Variants in PTPRD observed in about 807,000 individuals in gnomAD.
PTPRD encodes the protein protein tyrosine phosphatase receptor type D.
PTPRD carries 34 observed loss-of-function variants against 214.5 expected under a neutral mutation model. The ratio of observed to expected loss-of-function variants is 0.16; its 90% confidence interval spans 0.12 to 0.21. The LOEUF (loss-of-function observed/expected upper bound fraction) is 0.21, where lower values mean the gene tolerates loss of function less well. PTPRD is among the 10% of genes least tolerant of loss of function. PTPRD has a pLI of 1.00. For missense variants in PTPRD, 2,545 were observed against 2,398.7 expected, an observed-to-expected ratio of 1.06 and a Z score of -1.27; for synonymous variants, 1,128 against 845.7, an observed-to-expected ratio of 1.33 and a Z score of -5.79.
chr9:10,337,181 T>G (rs564384554), intron 3 of PTPRD, among the ~76,000 whole-genome samples: 1 of 151,898 alleles, frequency 6.6e-6, no homozygotes, highest in East Asian at 1.9e-4. Flanking sequence ...TGGAAAATAT[T>G]GTATTAAATT....
chr9:8,934,440 TATATATAAATTTATATATATATAA>T (rs1567097665), intron 11 of PTPRD, among the ~76,000 whole-genome samples: 6 of 42,334 alleles, frequency 1.4e-4, no homozygotes, highest in Non-Finnish European at 2.4e-4. Context: ...TATATAAATA[TATATATAAATTTATATATATATAA>T]ATATATATAT....
intron 11 of PTPRD, among the ~76,000 whole-genome samples, chr9:8,787,841 C>G (rs968935954): frequency 6.6e-6 from 1 of 152,112 alleles, no homozygotes; most frequent in African/African-American, 2.4e-5. Context: ...AGTCATCTTC[C>G]AAATGAATGA....
At chr9:8,709,514 C>CA (rs758112672) in intron 12 of PTPRD, among the ~76,000 whole-genome samples, 11,090 of 55,608 alleles carry the variant, frequency 0.2, 653 homozygotes, top group East Asian at 0.24. Context: ...GACTCCATCT[C>CA]AAAAAAAAAA....
intron 2 of PTPRD, among the ~76,000 whole-genome samples, chr9:10,504,721 C>T (rs1421175326): frequency 6.6e-6 from 1 of 152,122 alleles, no homozygotes; most frequent in Non-Finnish European, 1.5e-5. Flanking sequence ...ATTACTTCTC[C>T]ACAGGCATAA....
In PTPRD at chr9:9,993,610, C is replaced by T. The variant is rs72692772; in HGVS notation, c.-472+40108G>A. 6.1e-3 allele frequency among the ~76,000 whole-genome samples: 929 copies of T among 151,926 alleles called. 3 individuals carry two copies. Among genetic ancestry groups the T allele is most frequent in the Non-Finnish European group, 0.01 (693 of 67,994 alleles). On this transcript the variant is annotated intron_variant, in intron 4 of 45. Transcript: ENST00000381196. The stretch of plus-strand genomic sequence containing the variant: ...TTAGAAACAAAAAATTGCTCTGTGA[C>T]GCTGGAAGTAAGACTAACTTTGGAG...
chr9:9,055,331 T>A (rs1282967531), intron 10 of PTPRD, among the ~76,000 whole-genome samples: 1 of 152,172 alleles, frequency 6.6e-6, no homozygotes, highest in Non-Finnish European at 1.5e-5. Context: ...CCATGTGAGG[T>A]AATGAATATG....
intron 5 of PTPRD, among the ~76,000 whole-genome samples, chr9:9,882,284 G>T (rs775398890): frequency 2.0e-5 from 3 of 151,942 alleles, no homozygotes; most frequent in Admixed American, 6.6e-5. Context: ...ATTTTCTAGA[G>T]GTTCACTAAG....
intron 2 of PTPRD, among the ~76,000 whole-genome samples, chr9:10,450,981 C>T (rs12682854): frequency 0.012 from 1,832 of 151,950 alleles, 63 homozygotes; most frequent in African/African-American, 0.04. Context: ...GCTAGCAATC[C>T]TACATGTAAC....
chr9:9,740,456 C>A (rs893179611), intron 6 of PTPRD, among the ~76,000 whole-genome samples: 1 of 151,682 alleles, frequency 6.6e-6, no homozygotes. Context: ...CTCCCGGGTT[C>A]ACGCCATTCT....
chr9:10,511,726 A>T (rs1363384778), intron 2 of PTPRD, among the ~76,000 whole-genome samples: 2 of 150,760 alleles, frequency 1.3e-5, no homozygotes, highest in African/African-American at 4.9e-5. Flanking sequence ...CATTTCTTTA[A>T]AAACTTTTTA....
At chr9:9,824,277 C>A (rs2051882988) in intron 5 of PTPRD, among the ~76,000 whole-genome samples, 1 of 151,806 alleles carries the variant, frequency 6.6e-6, no homozygotes, top group Non-Finnish European at 1.5e-5. Context: ...TTAGTCTTTT[C>A]CCAAATGTAC....
At chr9:8,381,531 TC>T in intron 37 of PTPRD, among the ~76,000 whole-genome samples, 1 of 152,158 alleles carries the variant, frequency 6.6e-6, no homozygotes, top group East Asian at 1.9e-4. Context: ...GTTTGTGTAT[TC>T]CCCCATTTTA....
intron 5 of PTPRD, among the ~76,000 whole-genome samples, chr9:9,781,850 T>C (rs78047494): frequency 0.47 from 71,146 of 150,220 alleles, 17,944 homozygotes; most frequent in East Asian, 0.72. Flanking sequence ...TGGAGTGCAG[T>C]GGCGCAATCT....
intron 2 of PTPRD, among the ~76,000 whole-genome samples, chr9:10,414,484 T>C (rs752658825): frequency 2.6e-5 from 4 of 151,924 alleles, no homozygotes; most frequent in South Asian, 2.1e-4. Context: ...TTAGACACTG[T>C]TGGTGGATGT....
chr9:10,277,052 C>A (rs1180715599), intron 3 of PTPRD, among the ~76,000 whole-genome samples: 3 of 152,152 alleles, frequency 2.0e-5, no homozygotes, highest in Non-Finnish European at 4.4e-5. Context: ...CAGAGGGCTA[C>A]CCCTCCACCA....
At chr9:8,513,392 C>G (rs1353575521) in intron 21 of PTPRD, among the ~76,000 whole-genome samples, 2 of 152,010 alleles carry the variant, frequency 1.3e-5, no homozygotes, top group African/African-American at 4.8e-5. Context: ...AGTGAGACTT[C>G]TCTCTTAAAC....
At chr9:8,682,958 A>G (rs2097578418) in intron 12 of PTPRD, among the ~76,000 whole-genome samples, 1 of 152,162 alleles carries the variant, frequency 6.6e-6, no homozygotes, top group Admixed American at 6.6e-5. Context: ...TATGACTTGC[A>G]GGTTTCCCAA....
intron 3 of PTPRD, among the ~76,000 whole-genome samples, chr9:10,035,313 G>A (rs1185938066): frequency 6.6e-6 from 1 of 151,546 alleles, no homozygotes; most frequent in Non-Finnish European, 1.5e-5. Context: ...ATTTGTTTAT[G>A]TTCCTTATAC....
intron 4 of PTPRD, among the ~76,000 whole-genome samples, chr9:10,006,180 G>A (rs2096469940): frequency 1.3e-5 from 2 of 151,878 alleles, no homozygotes; most frequent in African/African-American, 4.8e-5. Flanking sequence ...AGTAAAACCT[G>A]GAAAAATAAT....
Sources: gnomAD v4.1 joint callset for allele counts (sites outside exome capture counted in the v4.1 genomes callset) on GRCh38, gnomAD v4.1.1 for gene constraint, MANE v1.5 for transcripts, NCBI Gene and HGNC (gene_info 2026-07-23, HGNC 2026-07-21) for gene names.